Variants in PHYHIPL observed in about 807,000 individuals in gnomAD.
PHYHIPL encodes phytanoyl-CoA 2-hydroxylase interacting protein like, also known as phytanoyl-CoA hydroxylase-interacting protein-like.
Under a neutral mutation model 33.4 loss-of-function variants are expected in PHYHIPL, and 9 were observed. The observed-to-expected ratio is 0.27, with a 90% CI of 0.16 to 0.47. The LOEUF (loss-of-function observed/expected upper bound fraction) is 0.47, where lower values mean the gene tolerates loss of function less well. PHYHIPL is among the 20% of genes least tolerant of loss of function. PHYHIPL has a pLI of 0.99. For missense variants in PHYHIPL, 365 were observed against 460.7 expected (o/e 0.79, Z 1.90); for synonymous variants, 153 against 154.1 (o/e 0.99, Z 0.05).
chr10:59,240,452 TACG>T (rs1840359219), intron 4 of PHYHIPL, among the ~76,000 whole-genome samples: 1 of 151,936 alleles, frequency 6.6e-6, no homozygotes, highest in African/African-American at 2.4e-5. Flanking sequence ...TCAGATAACT[TACG>T]TTAGCCTACA....
chr10:59,174,985 T>C (rs908563714), upstream of PHYHIPL, among the ~76,000 whole-genome samples: 1 of 152,070 alleles, frequency 6.6e-6, no homozygotes, highest in Non-Finnish European at 1.5e-5. Flanking sequence ...TGAAAATCAG[T>C]AAATTGTTAT....
chr10:59,241,145 G>T (rs772572630), intron 4 of PHYHIPL, among the ~76,000 whole-genome samples: 17 of 152,066 alleles, frequency 1.1e-4, no homozygotes, highest in Non-Finnish European at 2.4e-4. Flanking sequence ...TTAAAAAGTA[G>T]TAGACATAAA....
At chr10:59,238,532 T>C in intron 3 of PHYHIPL, 56 bp from the exon 4 acceptor site, 1 of 945,662 alleles carries the variant, frequency 1.1e-6, no homozygotes, top group Non-Finnish European at 1.7e-6. Context: ...ATTAAGTATA[T>C]GGTTGGTACT....
chr10:59,230,212 C>CGT (rs1840039913), intron 1 of PHYHIPL, among the ~76,000 whole-genome samples: 1 of 123,378 alleles, frequency 8.1e-6, no homozygotes, highest in Non-Finnish European at 1.6e-5. Flanking sequence ...AAATTGCTTT[C>CGT]TTTTTTTTTT....
Position 59,245,805 on chromosome 10 carries a change from T to TAA in PHYHIPL, c.*215_*216dup, listed in dbSNP as rs1840646919. The TAA allele has an allele frequency of 3.8e-6, 2 of 525,158 alleles. No homozygotes were observed. Among genetic ancestry groups the TAA allele is most frequent in the South Asian group, 3.0e-5 (1 of 33,828 alleles). 32.5% of individuals were successfully genotyped at this position (525,158 alleles called of 1,614,324 possible). The stretch of plus-strand genomic sequence containing the variant: ...CACTACTTTCAATGATGAAATACCC[T>TAA]AAGTTAAGTTCTCCTTTTGACACTT... On this transcript the variant is annotated 3_prime_UTR_variant, in exon 5 of 5. Transcript: ENST00000373880.
intron 1 of PHYHIPL, among the ~76,000 whole-genome samples, chr10:59,184,798 C>G (rs752100655): frequency 4.0e-5 from 6 of 151,254 alleles, no homozygotes; most frequent in South Asian, 2.1e-4. Flanking sequence ...TCCCTCCCCC[C>G]CTCCCCCAAC....
At position 59,236,623 on chromosome 10, in the gene PHYHIPL, T is replaced by A. The variant is rs1298127097; in HGVS notation, c.444T>A (p.Ser148=). 11 of 1,606,730 alleles carry A rather than the reference T, an allele frequency of 6.8e-6. No individual in the cohort carries two copies. The East Asian group carries it at 2.5e-4, about 36-fold the overall frequency. ...AAGTTGATGGTGATTATGTTGTGTC[T>A]GAATGGAGTGAAATTATAGAATTCT... ...SKQVDGDYVV[S]EWSEIIEFCT... is the part of the protein sequence containing the mutation. The change falls in exon 3 of 5, where the codon TCT becomes TCA. Residue 148 remains serine, a synonymous_variant. Coordinates refer to ENST00000373880, the MANE Select transcript of PHYHIPL (RefSeq NM_032439.4).
chr10:59,178,213 A>G (rs1388296095), intron 1 of PHYHIPL, among the ~76,000 whole-genome samples: 4 of 151,728 alleles, frequency 2.6e-5, no homozygotes, highest in African/African-American at 9.7e-5. Context: ...TAATTTTGAA[A>G]CCAGAATTCA....
chr10:59,242,943 A>C (rs1293087262), intron 4 of PHYHIPL, among the ~76,000 whole-genome samples: 1 of 152,184 alleles, frequency 6.6e-6, no homozygotes, highest in East Asian at 1.9e-4. Context: ...CATGTTGTTA[A>C]AGTCAAGAAG....
intron 4 of PHYHIPL, among the ~76,000 whole-genome samples, chr10:59,243,093 A>AAGAT (rs1328892652): frequency 6.6e-6 from 1 of 151,832 alleles, no homozygotes; most frequent in Non-Finnish European, 1.5e-5. Context: ...AATCCATGCC[A>AAGAT]AGATATATTA....
chr10:59,208,952 T>C (rs1839366185), intron 1 of PHYHIPL, among the ~76,000 whole-genome samples: 1 of 152,118 alleles, frequency 6.6e-6, no homozygotes, highest in Admixed American at 6.5e-5. Context: ...TACATTTGAT[T>C]GGTGTACCTG....
At chr10:59,178,056 C>A (rs1396999064) in intron 1 of PHYHIPL, among the ~76,000 whole-genome samples, 1 of 152,066 alleles carries the variant, frequency 6.6e-6, no homozygotes, top group Non-Finnish European at 1.5e-5. Flanking sequence ...TCAGCCTAAT[C>A]CAAATAGGGA....
chr10:59,208,900 A>C (rs539268770), intron 1 of PHYHIPL, among the ~76,000 whole-genome samples: 4 of 152,290 alleles, frequency 2.6e-5, no homozygotes, highest in Admixed American at 2.0e-4. Flanking sequence ...AGGAACAAAC[A>C]AACCCTCCAA....
At chr10:59,220,661 A>G (rs1839743864) in intron 1 of PHYHIPL, among the ~76,000 whole-genome samples, 1 of 152,096 alleles carries the variant, frequency 6.6e-6, no homozygotes, top group African/African-American at 2.4e-5. Context: ...ATACAGAACA[A>G]TGAAGATTAG....
At chr10:59,184,709 A>G (rs1301957709) in intron 1 of PHYHIPL, among the ~76,000 whole-genome samples, 1 of 151,776 alleles carries the variant, frequency 6.6e-6, no homozygotes, top group Non-Finnish European at 1.5e-5. Flanking sequence ...CAGGTTTGTT[A>G]CATATGTATA....
chr10:59,225,047 C>A (rs2133266294), intron 1 of PHYHIPL, among the ~76,000 whole-genome samples: 1 of 150,988 alleles, frequency 6.6e-6, no homozygotes, highest in Non-Finnish European at 1.5e-5. Context: ...AAAAAACTTA[C>A]TGTTCTTAAT....
chr10:59,227,204 A>G (rs1839949369), intron 1 of PHYHIPL, among the ~76,000 whole-genome samples: 1 of 152,170 alleles, frequency 6.6e-6, no homozygotes, highest in Non-Finnish European at 1.5e-5. Context: ...TACTTCTTGT[A>G]GTTCAGGAAG....
chr10:59,220,659 C>G (rs1190892811), intron 1 of PHYHIPL, among the ~76,000 whole-genome samples: 1 of 151,930 alleles, frequency 6.6e-6, no homozygotes, highest in East Asian at 1.9e-4. Flanking sequence ...AAATACAGAA[C>G]AATGAAGATT....
chr10:59,216,876 C>T (rs1298240594), intron 1 of PHYHIPL, among the ~76,000 whole-genome samples: 3 of 152,106 alleles, frequency 2.0e-5, no homozygotes, highest in Admixed American at 6.6e-5. Flanking sequence ...AAATTGTAAG[C>T]TTGAAAGCGC....
Sources: gnomAD v4.1 joint callset for allele counts (sites outside exome capture counted in the v4.1 genomes callset) on GRCh38, gnomAD v4.1.1 for gene constraint, MANE v1.5 for transcripts, NCBI Gene and HGNC (gene_info 2026-07-23, HGNC 2026-07-21) for gene names.